The following ZNF766 variants were observed in gnomAD, a reference collection of about 807,000 sequenced individuals.
The protein encoded by ZNF766 is zinc finger protein 766.
ZNF766 carries 13 observed loss-of-function variants against 13.2 expected under a neutral mutation model. That is an observed-to-expected ratio of 0.98 (90% CI 0.64 to 1.56). ZNF766 has a LOEUF of 1.56. ZNF766 is among the 40% of genes most tolerant of loss of function. The probability of loss-of-function intolerance (pLI) is 0.00; values close to 1 mark genes in which losing one functional copy is unlikely to be tolerated. For missense variants in ZNF766, 521 were observed against 552.2 expected (o/e 0.94, Z 0.57); for synonymous variants, 178 against 187.6 (o/e 0.95, Z 0.42).
chr19:52,275,976 T>A (rs926261426), intron 1 of ZNF766, among the ~76,000 whole-genome samples: 3 of 152,234 alleles, frequency 2.0e-5, no homozygotes, highest in African/African-American at 7.2e-5. Context: ...CCGCCGTGCC[T>A]GGCCTTACTG....
At chr19:52,275,081 A>G (rs976192306) in intron 1 of ZNF766, among the ~76,000 whole-genome samples, 1 of 152,190 alleles carries the variant, frequency 6.6e-6, no homozygotes, top group African/African-American at 2.4e-5. Flanking sequence ...TTCTGAAAGG[A>G]GTGACGCCTC....
rs183234401 is a variant in ZNF766, at chr19:52,289,312, G to A, written c.275-754G>A. ...ATTACAGGCACACACCACCATACCC[G>A]GCTAATTTTTGTATTTTTGGGTGGA... On this transcript the variant is annotated intron_variant, in intron 3 of 3. Coordinates refer to ENST00000439461, the MANE Select transcript of ZNF766 (RefSeq NM_001010851.3). Among the ~76,000 whole-genome samples, 195 of 151,520 alleles carry A rather than the reference G, an allele frequency of 1.3e-3. 2 individuals are homozygous for A. The highest frequency in any genetic ancestry group is 2.2e-3 in the Non-Finnish European group (152 of 67,942).
chr19:52,291,460 T>C lies in ZNF766; in HGVS notation c.*262T>C. 2.7e-6 allele frequency: 1 copy of C among 368,628 alleles called. No individual in the cohort carries two copies. Among genetic ancestry groups the C allele is most frequent in the Non-Finnish European group, 4.9e-6 (1 of 206,138 alleles). 22.8% of individuals were successfully genotyped at this position (368,628 alleles called of 1,614,324 possible). ...GTGGAAATGATCTGTAATATTCGGGTTATTAAAAATGTAATTGGCTGGGCG... is the reference window on the plus strand; with the variant it reads ...GTGGAAATGATCTGTAATATTCGGGCTATTAAAAATGTAATTGGCTGGGCG... On this transcript the variant is annotated 3_prime_UTR_variant, in exon 4 of 4. Transcript: ENST00000439461.
At chr19:52,282,403 A>G (rs973144370) in intron 2 of ZNF766, 166 bp downstream of exon 2, 1 of 707,174 alleles carries the variant, frequency 1.4e-6, no homozygotes, top group Non-Finnish European at 2.1e-6. Flanking sequence ...TGGGAGGCTG[A>G]GGTGGGTGGA....
rs1475322949 is a variant in ZNF766, at chr19:52,290,808, T to C, written c.1017T>C (p.His339=). Residue 339 remains histidine, a synonymous_variant, in exon 4 of 4, where the codon CAT becomes CAC. Transcript: ENST00000439461. ...CNKCGKEFSG[H]SSLTTHLLIH... ...AATGTGGCAAAGAATTTAGTGGGCA[T>C]TCAAGCCTCACCACCCATCTGTTAA... The C allele has an allele frequency of 5.6e-6, 9 of 1,613,816 alleles. No individual in the cohort carries two copies. Among genetic ancestry groups the C allele is most frequent in the Non-Finnish European group, 6.8e-6 (8 of 1,179,878 alleles).
intron 2 of ZNF766, among the ~76,000 whole-genome samples, 168 bp from the exon 3 acceptor site, chr19:52,283,117 C>G (rs1246860046): frequency 1.3e-5 from 2 of 152,180 alleles, no homozygotes; most frequent in Non-Finnish European, 2.9e-5. Context: ...TAAAAGTGTT[C>G]CTGTTTCTCC....
intron 3 of ZNF766, among the ~76,000 whole-genome samples, chr19:52,289,642 T>G (rs1982008886): frequency 6.6e-6 from 1 of 152,196 alleles, no homozygotes; most frequent in South Asian, 2.1e-4. Flanking sequence ...AGTGTGATAC[T>G]ATGCTGATAT....
intron 2 of ZNF766, among the ~76,000 whole-genome samples, chr19:52,283,073 A>G (rs898321111): frequency 3.3e-5 from 5 of 152,138 alleles, no homozygotes; most frequent in Admixed American, 6.6e-5. Flanking sequence ...TGTCTTCCAC[A>G]TGGTTGAACT....
intron 3 of ZNF766, among the ~76,000 whole-genome samples, chr19:52,287,246 G>A (rs1178866453): frequency 6.6e-6 from 1 of 152,002 alleles, no homozygotes; most frequent in African/African-American, 2.4e-5. Context: ...GGGTTCAAGC[G>A]GTTCTCCTGC....
intron 3 of ZNF766, among the ~76,000 whole-genome samples, chr19:52,289,219 C>T (rs1292306841): frequency 6.7e-6 from 1 of 148,674 alleles, no homozygotes; most frequent in African/African-American, 2.5e-5. Flanking sequence ...GGCACAGTCT[C>T]AGCTCACTGC....
intron 3 of ZNF766, among the ~76,000 whole-genome samples, chr19:52,283,985 C>T (rs1420782247): frequency 6.6e-6 from 1 of 152,214 alleles, no homozygotes; most frequent in African/African-American, 2.4e-5. Context: ...ATCCGCCCGC[C>T]TTGGCCTCCG....
rs1982168562 is a variant in ZNF766, at chr19:52,291,966, A to G, written c.*768A>G. The G allele has an allele frequency of 1.8e-6, 1 of 557,518 alleles. No individual in the cohort carries two copies. The highest frequency in any genetic ancestry group is 1.9e-5 in the African/African-American group (1 of 52,682). 34.5% of individuals were successfully genotyped at this position (557,518 alleles called of 1,614,324 possible). On this transcript the variant is annotated 3_prime_UTR_variant, in exon 4 of 4. Coordinates refer to ENST00000439461, the MANE Select transcript of ZNF766 (RefSeq NM_001010851.3). ...ATGTGTCTGTAGTTCCAGCTACTCAAGAGGCCGAGGCAAGAGGATTGCTCA... is the reference window on the plus strand; with the variant it reads ...ATGTGTCTGTAGTTCCAGCTACTCAGGAGGCCGAGGCAAGAGGATTGCTCA...
chr19:52,284,571 T>C (rs1398700846), intron 3 of ZNF766, among the ~76,000 whole-genome samples: 1 of 152,178 alleles, frequency 6.6e-6, no homozygotes, highest in Non-Finnish European at 1.5e-5. Flanking sequence ...TTTTGGGGTT[T>C]CCTGCAATTC....
intron 1 of ZNF766, chr19:52,281,563 C>G (rs10422955): frequency 0.19 from 62,703 of 321,874 alleles, 6,538 homozygotes; most frequent in Middle Eastern, 0.22. Flanking sequence ...GAGTTAATGG[C>G]AGTAAGAATA....
chr19:52,272,632 A>G (rs1434816023), intron 1 of ZNF766, among the ~76,000 whole-genome samples: 4 of 152,028 alleles, frequency 2.6e-5, no homozygotes, highest in African/African-American at 9.7e-5. Context: ...ACACCTGAGT[A>G]ATTTTTTTAT....
In ZNF766 at chr19:52,290,008, G is replaced by C. The variant is rs10418171; in HGVS notation, c.275-58G>C. 2.6e-6 allele frequency: 4 copies of C among 1,518,904 alleles called. No individual in the cohort carries two copies. The Admixed American group carries it at 9.0e-5, about 34-fold the overall frequency. 94.1% of individuals were successfully genotyped at this position (1,518,904 alleles called of 1,614,324 possible). ...AAAGCCAGACTCCAACTCAAAAAAA[G>C]TGCAAAAAACATGCCAGAACCATGG... On this transcript the variant is annotated intron_variant, in intron 3 of 3. Transcript: ENST00000439461.
At chr19:52,284,652 G>C (rs28480595) in intron 3 of ZNF766, 17,074 of 151,918 alleles carry the variant, frequency 0.11, 1,410 homozygotes, top group African/African-American at 0.23. Flanking sequence ...AAGCCTGTCC[G>C]CCACCAATTG....
At chr19:52,278,499 G>A (rs943029289) in intron 1 of ZNF766, among the ~76,000 whole-genome samples, 3 of 152,036 alleles carry the variant, frequency 2.0e-5, no homozygotes, top group African/African-American at 7.2e-5. Flanking sequence ...TGCCTCCCGG[G>A]TTCAAGCAAT....
chr19:52,280,547 A>G, intron 1 of ZNF766, among the ~76,000 whole-genome samples: 1 of 152,120 alleles, frequency 6.6e-6, no homozygotes, highest in Admixed American at 6.6e-5. Context: ...AAGCTACAAC[A>G]TCATTTTATA....
Sources: allele counts gnomAD v4.1 joint callset (sites outside exome capture counted in the v4.1 genomes callset), GRCh38; gene constraint gnomAD v4.1.1; transcripts MANE v1.5; gene names NCBI Gene and HGNC (gene_info 2026-07-23, HGNC 2026-07-21).